INO80: variants seen among roughly 807,000 people sequenced by gnomAD.
INO80 encodes the protein INO80 complex ATPase subunit, also known as chromatin-remodeling ATPase INO80.
A neutral mutation model predicts 203.4 loss-of-function variants in INO80; 20 were observed. The observed-to-expected ratio is 0.10, with a 90% confidence interval of 0.07 to 0.14. INO80 has a LOEUF of 0.14. Ranked by LOEUF, INO80 falls within the 10% of genes least tolerant of loss-of-function variation. INO80 has a pLI of 1.00. For missense variants in INO80, 1,419 were observed against 1,914.4 expected (o/e 0.74, Z 4.83); for synonymous variants, 726 against 685.2 (o/e 1.06, Z -0.93).
chr15:41,075,450 T>A (rs2045388717), intron 9 of INO80, among the ~76,000 whole-genome samples: 1 of 151,936 alleles, frequency 6.6e-6, no homozygotes, highest in Non-Finnish European at 1.5e-5. Flanking sequence ...TTTTCTATTT[T>A]TTTTTGGCGG....
intron 25 of INO80, among the ~76,000 whole-genome samples, chr15:41,024,081 G>A (rs547753901): frequency 1.3e-5 from 2 of 152,162 alleles, no homozygotes; most frequent in South Asian, 4.1e-4. Flanking sequence ...ACTTTTTCCA[G>A]TTATAAACTT....
chr15:41,057,817 A>AAAAAAAG (rs1555403662), intron 16 of INO80, among the ~76,000 whole-genome samples: 59 of 138,558 alleles, frequency 4.3e-4, no homozygotes, highest in African/African-American at 1.7e-3. Context: ...AAAAAAAAAA[A>AAAAAAAG]AAAGAAAGAA....
intron 1 of INO80, among the ~76,000 whole-genome samples, chr15:41,114,898 A>C (rs569772115): frequency 6.6e-6 from 1 of 152,170 alleles, no homozygotes; most frequent in Non-Finnish European, 1.5e-5. Flanking sequence ...AGTGACTGCT[A>C]AATGGCTTCT....
Position 40,983,907 on chromosome 15 carries a change from A to T in INO80, c.4092T>A (p.Ser1364Arg). The part of the protein sequence containing the change: ...PSPFSEISIS[S>R]ELHTGSIPLD... ...GGGGAATGGAGCCAGTGTGCAGCTC[A>T]CTGCTGATGGAGATCTAGAAGAGGA... The change falls in exon 34 of 36, where the codon AGT becomes AGA. Residue 1364 changes from serine to arginine, a missense_variant. By Grantham distance (110) the Ser-to-Arg change is moderately radical (BLOSUM62 -1). Around this residue, in one of 9 missense-constraint regions of INO80, gnomAD observed 214 missense variants for 248.9 expected, o/e 0.86. Coordinates refer to ENST00000648947, the MANE Select transcript of INO80 (RefSeq NM_017553.3). 1 of 1,613,682 alleles carries T rather than the reference A, an allele frequency of 6.2e-7. No individual in the cohort carries two copies. The highest frequency in any genetic ancestry group is 8.5e-7 in the Non-Finnish European group (1 of 1,180,016).
chr15:41,049,348 G>A lies in INO80; in HGVS notation c.2515C>T (p.His839Tyr). ...TGACGGTAGATAAACTTTGAAATGT[G>A]GTATGGCTTTAGGGAAATATGAAAT... is the stretch of plus-strand genomic sequence containing the variant. The part of the protein sequence containing the change: ...SPFHISLKPY[H>Y]ISKFIYRHGQ... Residue 839 changes from histidine to tyrosine, a missense_variant, in exon 21 of 36, where the codon CAC becomes TAC. Physicochemically the swap from His to Tyr is moderately conservative, Grantham distance 83 (BLOSUM62 2). Around this residue, in one of 9 missense-constraint regions of INO80, gnomAD observed 302 missense variants for 345.4 expected, o/e 0.87. Transcript: ENST00000648947. 1 of 1,613,512 alleles carries A rather than the reference G, an allele frequency of 6.2e-7. No individual in the cohort carries two copies. Among genetic ancestry groups the A allele is most frequent in the African/African-American group, 1.3e-5 (1 of 75,002 alleles).
chr15:41,015,736 G>A (rs1245660701), intron 27 of INO80, among the ~76,000 whole-genome samples: 2 of 129,186 alleles, frequency 1.5e-5, no homozygotes, highest in African/African-American at 3.0e-5. Context: ...AGGAGTTCAA[G>A]ACCAGCCTGG....
chr15:40,982,511 G>A (rs765297440), intron 35 of INO80, among the ~76,000 whole-genome samples: 1 of 152,188 alleles, frequency 6.6e-6, no homozygotes, highest in Non-Finnish European at 1.5e-5. Context: ...TCACACAGCT[G>A]AATGAACGTT....
chr15:41,015,984 A>G, intron 27 of INO80, 104 bp downstream of exon 27: 3 of 812,716 alleles, frequency 3.7e-6, no homozygotes, highest in Non-Finnish European at 1.9e-6. Context: ...GACAAAAGGG[A>G]GTTTTGGGGC....
chr15:41,057,595 G>A (rs1463897843), intron 16 of INO80, among the ~76,000 whole-genome samples: 1 of 151,798 alleles, frequency 6.6e-6, no homozygotes, highest in Non-Finnish European at 1.5e-5. Flanking sequence ...TCAGGAGTTC[G>A]AGACAAGCCT....
chr15:41,037,714 G>A (rs540570037), intron 24 of INO80, among the ~76,000 whole-genome samples: 4 of 151,660 alleles, frequency 2.6e-5, no homozygotes, highest in Middle Eastern at 6.9e-3. Flanking sequence ...AGGCCGAGGC[G>A]AGAGGATCAC....
intron 5 of INO80, among the ~76,000 whole-genome samples, chr15:41,087,911 C>T (rs535524768): frequency 3.8e-4 from 58 of 151,912 alleles, no homozygotes; most frequent in Non-Finnish European, 6.6e-4. Context: ...TTTAAGAAAG[C>T]AAAACTCTTC....
intron 25 of INO80, among the ~76,000 whole-genome samples, chr15:41,021,708 C>T (rs902750211): frequency 2.0e-5 from 3 of 152,116 alleles, no homozygotes; most frequent in East Asian, 1.9e-4. Context: ...AGGGGGAGTG[C>T]GGAGGCAGGG....
intron 24 of INO80, among the ~76,000 whole-genome samples, chr15:41,041,283 G>T (rs2044661807): frequency 6.6e-6 from 1 of 151,746 alleles, no homozygotes; most frequent in African/African-American, 2.4e-5. Context: ...TAGAGATGGG[G>T]TTTTGTCATG....
chr15:40,980,458 GAC>G lies in INO80; in HGVS notation c.4454-20_4454-19del. 6.3e-7 allele frequency: 1 copy of G among 1,593,980 alleles called. No homozygotes were observed. The highest frequency in any genetic ancestry group is 8.6e-7 in the Non-Finnish European group (1 of 1,164,104). On this transcript the variant is annotated intron_variant, in intron 35 of 35. Transcript: ENST00000648947. ...GGAGATTCCTGTGGGGACGGAGAGA[GAC>G]AAGAACGTAAGCACCAGTCCCGCGT...
intron 14 of INO80, among the ~76,000 whole-genome samples, chr15:41,061,141 T>C (rs1441951580): frequency 2.0e-5 from 3 of 151,712 alleles, no homozygotes; most frequent in African/African-American, 4.8e-5. Flanking sequence ...ACTCTCTCTC[T>C]ACAAAAAATA....
chr15:41,096,973 G>T (rs983966482), intron 1 of INO80, among the ~76,000 whole-genome samples: 3 of 152,220 alleles, frequency 2.0e-5, no homozygotes, highest in Non-Finnish European at 4.4e-5. Context: ...TATAGCCTAA[G>T]CATTCTCTTT....
At chr15:41,051,128 CAAAA>C (rs368535813) in intron 19 of INO80, among the ~76,000 whole-genome samples, 1 of 78,508 alleles carries the variant, frequency 1.3e-5, no homozygotes, top group African/African-American at 6.8e-5. Flanking sequence ...GACTCCATCT[CAAAA>C]AAAAAAAAAA....
At chr15:41,040,673 C>A (rs1246089190) in intron 24 of INO80, among the ~76,000 whole-genome samples, 1 of 151,960 alleles carries the variant, frequency 6.6e-6, no homozygotes, top group African/African-American at 2.4e-5. Flanking sequence ...GAGTTCGAGG[C>A]CGGCCTGAAC....
Position 41,032,033 on chromosome 15 carries a change from C to G in INO80, c.2908-4297G>C, listed in dbSNP as rs376386667. 4.5e-4 allele frequency among the ~76,000 whole-genome samples: 42 copies of G among 92,902 alleles called. 2 individuals carry two copies. Among genetic ancestry groups the G allele is most frequent in the Admixed American group, 7.7e-4 (7 of 9,074 alleles). The allele number at this position is 92,902 out of a possible 152,430, so 60.9% of individuals were successfully genotyped here. ...CACAGCACAGCACAGCACAGCACAG[C>G]ACAGCACAGCACAGCACAGCACAGC... On this transcript the variant is annotated intron_variant, in intron 24 of 35. Coordinates refer to ENST00000648947, the MANE Select transcript of INO80 (RefSeq NM_017553.3).
Sources: allele counts gnomAD v4.1 joint callset (sites outside exome capture counted in the v4.1 genomes callset), GRCh38; gene constraint gnomAD v4.1.1; regional missense constraint gnomAD v4.1.1; transcripts MANE v1.5; gene names NCBI Gene and HGNC (gene_info 2026-07-23, HGNC 2026-07-21).